The following KCNH1 variants were observed in gnomAD, a reference collection of about 807,000 sequenced individuals.
KCNH1 encodes the protein potassium voltage-gated channel subfamily H member 1.
A neutral mutation model predicts 69.2 loss-of-function variants in KCNH1; 27 were observed. The ratio of observed to expected loss-of-function variants is 0.39; its 90% CI spans 0.29 to 0.54. The LOEUF is 0.54. Ranked by LOEUF, KCNH1 falls within the 20% of genes least tolerant of loss-of-function variation. The pLI is 0.68. For missense variants in KCNH1, 798 were observed against 1,261.6 expected, an observed-to-expected ratio of 0.63 and a Z score of 5.57; for synonymous variants, 456 against 487.7, an observed-to-expected ratio of 0.93 and a Z score of 0.86.
At chr1:210,844,747 T>G (rs1206910317) in intron 7 of KCNH1, among the ~76,000 whole-genome samples, 1 of 151,700 alleles carries the variant, frequency 6.6e-6, no homozygotes, top group African/African-American at 2.4e-5. Context: ...CTGAAGGAAA[T>G]AGAGACACAA....
intron 6 of KCNH1, among the ~76,000 whole-genome samples, chr1:210,991,984 A>G (rs1571558546): frequency 6.6e-6 from 1 of 152,324 alleles, no homozygotes; most frequent in East Asian, 1.9e-4. Context: ...ATAGTAATAC[A>G]TAAAGAGGAG....
At chr1:210,865,672 G>A (rs1178187023) in intron 7 of KCNH1, among the ~76,000 whole-genome samples, 1 of 152,204 alleles carries the variant, frequency 6.6e-6, no homozygotes, top group East Asian at 1.9e-4. Context: ...TCTCCAGATA[G>A]AATGGAAGCT....
intron 5 of KCNH1, among the ~76,000 whole-genome samples, chr1:211,056,625 A>G (rs1690314134): frequency 6.6e-6 from 1 of 152,222 alleles, no homozygotes; most frequent in Non-Finnish European, 1.5e-5. Flanking sequence ...AACCTAGTAC[A>G]GTATCAGTGT....
chr1:210,988,773 T>A (rs746417580), intron 6 of KCNH1, among the ~76,000 whole-genome samples: 1 of 152,018 alleles, frequency 6.6e-6, no homozygotes, highest in Non-Finnish European at 1.5e-5. Flanking sequence ...TGGAGTGGAG[T>A]GAAGACAAAG....
At chr1:210,996,715 C>A (rs1482517727) in intron 6 of KCNH1, among the ~76,000 whole-genome samples, 1 of 152,220 alleles carries the variant, frequency 6.6e-6, no homozygotes, top group Non-Finnish European at 1.5e-5. Context: ...CCTGAGCAGC[C>A]TAACTGGGAG....
intron 10 of KCNH1, among the ~76,000 whole-genome samples, chr1:210,720,916 A>G (rs1249067975): frequency 6.6e-6 from 1 of 152,220 alleles, no homozygotes; most frequent in Non-Finnish European, 1.5e-5. Flanking sequence ...GCATGATATG[A>G]CAGTCACTCT....
intron 1 of KCNH1, among the ~76,000 whole-genome samples, chr1:211,129,303 T>C (rs927661900): frequency 2.0e-5 from 3 of 152,236 alleles, no homozygotes; most frequent in African/African-American, 7.2e-5. Context: ...TTCAAGGTAA[T>C]GCTCAAGGAA....
intron 6 of KCNH1, among the ~76,000 whole-genome samples, chr1:210,991,058 A>C (rs939775632): frequency 6.6e-6 from 1 of 152,212 alleles, no homozygotes; most frequent in Non-Finnish European, 1.5e-5. Context: ...CCTCAAAAAA[A>C]CTAAAAATAA....
intron 10 of KCNH1, among the ~76,000 whole-genome samples, chr1:210,691,683 T>C (rs1221555218): frequency 6.6e-6 from 1 of 152,218 alleles, no homozygotes; most frequent in Non-Finnish European, 1.5e-5. Context: ...GTAGAATATC[T>C]GGCTAAGGGA....
rs959071717 is a variant in KCNH1, at chr1:211,111,386, G to A, written c.80-4009C>T. On this transcript the variant is annotated intron_variant, in intron 1 of 10. Transcript: ENST00000271751. ...TGAGGAGCACCTCTGCCCGGCCACCGCATGGTCTGGGAAGTCAGGAGCGCT... is the reference window on the plus strand; with the variant it reads ...TGAGGAGCACCTCTGCCCGGCCACCACATGGTCTGGGAAGTCAGGAGCGCT... Among the ~76,000 whole-genome samples the A allele has an allele frequency of 7.1e-4, 81 of 114,814 alleles. 1 individual carries two copies. The highest frequency in any genetic ancestry group is 5.6e-3 in the Admixed American group (60 of 10,658). The allele number at this position is 114,814 out of a possible 152,430, so 75.3% of individuals were successfully genotyped here. A position where few individuals can be genotyped will look rare whatever the true frequency, so the allele number is the denominator to read the frequency against.
intron 4 of KCNH1, among the ~76,000 whole-genome samples, chr1:211,088,768 T>G (rs980367096): frequency 6.6e-6 from 1 of 152,174 alleles, no homozygotes; most frequent in Non-Finnish European, 1.5e-5. Context: ...ACAATTAATA[T>G]CTGGTCCCCT....
At chr1:210,690,183 T>C (rs1247963896) in intron 10 of KCNH1, among the ~76,000 whole-genome samples, 2 of 152,230 alleles carry the variant, frequency 1.3e-5, no homozygotes, top group Non-Finnish European at 2.9e-5. Flanking sequence ...CACCTTTAAC[T>C]CTTTCTTTCT....
chr1:210,988,228 TCCTGGGTGAGGCAATGCCTCGC>T (rs1688879585), intron 6 of KCNH1, among the ~76,000 whole-genome samples: 1 of 152,168 alleles, frequency 6.6e-6, no homozygotes, highest in Admixed American at 6.5e-5. Context: ...CCCTTGTGCT[TCCTGGGTGAGGCAATGCCTCGC>T]CCTGCTTCAG....
At chr1:210,855,464 C>T (rs550759920) in intron 7 of KCNH1, among the ~76,000 whole-genome samples, 1 of 152,312 alleles carries the variant, frequency 6.6e-6, no homozygotes, top group African/African-American at 2.4e-5. Context: ...CAGGGACCAC[C>T]TGAGGAGAAG....
At chr1:210,795,257 C>T (rs1455934726) in intron 9 of KCNH1, among the ~76,000 whole-genome samples, 1 of 152,082 alleles carries the variant, frequency 6.6e-6, no homozygotes, top group East Asian at 1.9e-4. Context: ...TCTGATCCTC[C>T]CACCTAAGTC....
intron 6 of KCNH1, among the ~76,000 whole-genome samples, chr1:211,008,629 G>A (rs759397107): frequency 6.6e-6 from 1 of 152,212 alleles, no homozygotes; most frequent in Non-Finnish European, 1.5e-5. Context: ...AATCTATGGC[G>A]ATAGAAGTCA....
intron 6 of KCNH1, among the ~76,000 whole-genome samples, chr1:210,989,628 G>A (rs899830949): frequency 7.2e-5 from 11 of 152,286 alleles, no homozygotes; most frequent in Middle Eastern, 3.4e-3. Flanking sequence ...ATGAGAAAAA[G>A]CTGCCAAGCA....
intron 1 of KCNH1, among the ~76,000 whole-genome samples, chr1:211,128,923 C>T (rs1387974679): frequency 1.3e-5 from 2 of 151,964 alleles, no homozygotes; most frequent in Non-Finnish European, 2.9e-5. Context: ...CAAGGAAAGG[C>T]GGCAAAAGAA....
chr1:210,871,100 C>T (rs1237913496), intron 7 of KCNH1, among the ~76,000 whole-genome samples: 4 of 152,154 alleles, frequency 2.6e-5, no homozygotes, highest in East Asian at 1.9e-4. Context: ...AAACTACCAT[C>T]AGAGTGAACA....
Sources: gnomAD v4.1 joint callset for allele counts (sites outside exome capture counted in the v4.1 genomes callset) on GRCh38, gnomAD v4.1.1 for gene constraint, MANE v1.5 for transcripts, NCBI Gene and HGNC (gene_info 2026-07-23, HGNC 2026-07-21) for gene names.